The following TNFRSF10D variants were observed in gnomAD, a reference collection of about 807,000 sequenced individuals.
The protein encoded by TNFRSF10D is TNF receptor superfamily member 10d, also known as tumor necrosis factor receptor superfamily member 10D.
TNFRSF10D carries 28 observed loss-of-function variants against 42.1 expected under a neutral mutation model. The ratio of observed to expected loss-of-function variants is 0.66; its 90% CI spans 0.49 to 0.91. The LOEUF (loss-of-function observed/expected upper bound fraction) is 0.91, where lower values mean the gene tolerates loss of function less well. Among genes scored for constraint, TNFRSF10D ranks in the 40% least tolerant of loss-of-function variants. TNFRSF10D has a pLI of 0.00. For missense variants in TNFRSF10D, 503 were observed against 486.1 expected, an observed-to-expected ratio of 1.03 and a Z score of -0.33; for synonymous variants, 186 against 189.4, an observed-to-expected ratio of 0.98 and a Z score of 0.15.
intron 7 of TNFRSF10D, among the ~76,000 whole-genome samples, chr8:23,141,359 G>C (rs1191563447): frequency 6.6e-6 from 1 of 152,014 alleles, no homozygotes; most frequent in African/African-American, 2.4e-5. Flanking sequence ...ACAAAAATTA[G>C]CTGGGCATGG....
intron 1 of TNFRSF10D, among the ~76,000 whole-genome samples, chr8:23,155,678 C>T (rs1260659734): frequency 2.7e-5 from 4 of 149,874 alleles, no homozygotes; most frequent in African/African-American, 7.4e-5. Flanking sequence ...CCAGCCTGGG[C>T]GAAAGAGCGA....
rs1318041737 is a variant in TNFRSF10D at position 23,142,967 on chromosome 8, G to GT, written c.954+1482dup. Reference sequence around the variant, plus strand: ...ACTACCACTATGACTCAGCACCTTTGTTTTTTTTTTGTTTTTGTTTTTGTT... The same window carrying GT: ...ACTACCACTATGACTCAGCACCTTTGTTTTTTTTTTTGTTTTTGTTTTTGTT... On this transcript the variant is annotated intron_variant, in intron 7 of 8. Coordinates refer to ENST00000312584, the MANE Select transcript of TNFRSF10D (RefSeq NM_003840.5). 9.2e-4 allele frequency among the ~76,000 whole-genome samples: 135 copies of GT among 146,122 alleles called. 4 individuals carry two copies. The highest frequency in any genetic ancestry group is 6.0e-3 in the Admixed American group (89 of 14,724).
At chr8:23,157,364 T>C (rs951527805) in intron 1 of TNFRSF10D, among the ~76,000 whole-genome samples, 5 of 152,264 alleles carry the variant, frequency 3.3e-5, no homozygotes, top group Non-Finnish European at 7.3e-5. Context: ...AGAAGTGTAT[T>C]GTTCAATAAC....
At chr8:23,145,975 G>T in intron 4 of TNFRSF10D, 54 bp from the exon 5 acceptor site, 2 of 1,612,152 alleles carry the variant, frequency 1.2e-6, no homozygotes, top group South Asian at 2.2e-5. Context: ...CTGGCCAGGT[G>T]GGATGAAAGA....
At chr8:23,155,744 A>C (rs1239222822) in intron 1 of TNFRSF10D, among the ~76,000 whole-genome samples, 3 of 151,872 alleles carry the variant, frequency 2.0e-5, no homozygotes, top group Non-Finnish European at 4.4e-5. Context: ...CACACATATG[A>C]GCCCTTCAAG....
At chr8:23,151,519 T>A (rs1016401879) in intron 2 of TNFRSF10D, among the ~76,000 whole-genome samples, 8 of 151,684 alleles carry the variant, frequency 5.3e-5, no homozygotes, top group African/African-American at 1.5e-4. Flanking sequence ...TCTAATACAA[T>A]CATAATAGTG....
At chr8:23,146,921 G>T in intron 4 of TNFRSF10D, 40 bp downstream of exon 4, 2 of 1,542,668 alleles carry the variant, frequency 1.3e-6, no homozygotes, top group Middle Eastern at 1.7e-4. Context: ...GTCTTTTCAG[G>T]TTCCTGAAAG....
chr8:23,140,027 C>A (rs1489858926), intron 7 of TNFRSF10D, among the ~76,000 whole-genome samples: 4 of 152,108 alleles, frequency 2.6e-5, no homozygotes, highest in Admixed American at 2.6e-4. Context: ...CGGTGGCTCA[C>A]GCCTGTAATC....
intron 5 of TNFRSF10D, 27 bp from the exon 6 acceptor site, chr8:23,145,116 G>A (rs753489130): frequency 2.4e-5 from 38 of 1,613,588 alleles, no homozygotes; most frequent in Non-Finnish European, 3.1e-5. Context: ...CTCCTGAGCA[G>A]GCGGGGAGGG....
At chr8:23,138,140 T>C (rs550940477) in intron 8 of TNFRSF10D, 48 bp downstream of exon 8, 2 of 1,613,068 alleles carry the variant, frequency 1.2e-6, no homozygotes, top group East Asian at 4.5e-5. Context: ...TAGGACACCG[T>C]CCCTATTCCC....
chr8:23,145,240 G>A (rs1257124613), intron 5 of TNFRSF10D, 151 bp from the exon 6 acceptor site: 2 of 902,098 alleles, frequency 2.2e-6, no homozygotes, highest in African/African-American at 1.7e-5. Flanking sequence ...GCAATTAGGG[G>A]ACACCCTGAG....
At chr8:23,161,023 G>A (rs1194303936) in intron 1 of TNFRSF10D, among the ~76,000 whole-genome samples, 842 of 152,102 alleles carry the variant, frequency 5.5e-3, no homozygotes, top group African/African-American at 0.017. Flanking sequence ...AGCCTGGTAT[G>A]GAGGTGCAAG....
chr8:23,138,786 T>C (rs1444310598), intron 7 of TNFRSF10D, among the ~76,000 whole-genome samples: 1 of 152,242 alleles, frequency 6.6e-6, no homozygotes, highest in East Asian at 1.9e-4. Flanking sequence ...AGACATTTGG[T>C]AAAATTAAAC....
In TNFRSF10D at chr8:23,162,150, C is replaced by T. The variant is rs370132729; in HGVS notation, c.150+1636G>A. 4.6e-3 allele frequency among the ~76,000 whole-genome samples: 689 copies of T among 151,198 alleles called. 14 individuals carry two copies. In the South Asian group the frequency reaches 0.074, roughly 16 times the overall value. On this transcript the variant is annotated intron_variant, in intron 1 of 8. Transcript: ENST00000312584. ...CATAAAACATCTAATGTGATTTGTGCTAGCTCCAAAATTTTAAAAAGCAAC... is the reference window on the plus strand; with the variant it reads ...CATAAAACATCTAATGTGATTTGTGTTAGCTCCAAAATTTTAAAAAGCAAC...
intron 1 of TNFRSF10D, among the ~76,000 whole-genome samples, chr8:23,160,259 C>A (rs75983643): frequency 5.3e-3 from 809 of 151,992 alleles, no homozygotes; most frequent in African/African-American, 0.017. Context: ...TCCTGGGTGA[C>A]TCACTTTCCC....
At chr8:23,138,140 T>G in intron 8 of TNFRSF10D, 48 bp downstream of exon 8, 1 of 1,613,068 alleles carries the variant, frequency 6.2e-7, no homozygotes. Context: ...TAGGACACCG[T>G]CCCTATTCCC....
intron 2 of TNFRSF10D, among the ~76,000 whole-genome samples, chr8:23,152,115 C>G (rs1399768227): frequency 6.6e-6 from 1 of 152,136 alleles, no homozygotes; most frequent in African/African-American, 2.4e-5. Context: ...TAGGAGACAG[C>G]CACTCTTTAA....
chr8:23,155,891 A>G (rs1800272769), intron 1 of TNFRSF10D, among the ~76,000 whole-genome samples: 1 of 152,102 alleles, frequency 6.6e-6, no homozygotes, highest in Non-Finnish European at 1.5e-5. Flanking sequence ...TGAGGGTTAC[A>G]ATATAACCTT....
chr8:23,152,242 G>A lies in TNFRSF10D; in HGVS notation c.256+2632C>T, dbSNP rs993155010. ...AGTGGTGTATTACTTACAGACTCCA[G>A]AGAGAAGAGGATAGCACACTTTGCA... is the stretch of plus-strand genomic sequence containing the variant. On this transcript the variant is annotated intron_variant, in intron 2 of 8. Transcript: ENST00000312584. 3.9e-5 allele frequency among the ~76,000 whole-genome samples: 6 copies of A among 152,230 alleles called. No individual in the cohort carries two copies. The South Asian group carries it at 8.3e-4, about 21-fold the overall frequency.
Sources: gnomAD v4.1 joint callset for allele counts (sites outside exome capture counted in the v4.1 genomes callset) on GRCh38, gnomAD v4.1.1 for gene constraint, MANE v1.5 for transcripts, NCBI Gene and HGNC (gene_info 2026-07-23, HGNC 2026-07-21) for gene names.